CLCC1: variants seen among roughly 807,000 people sequenced by gnomAD.
CLCC1 encodes the protein chloride channel CLIC like 1.
A neutral mutation model predicts 63.3 loss-of-function variants in CLCC1; 39 were observed. That is an observed-to-expected ratio of 0.62 (90% CI 0.48 to 0.81). The LOEUF is 0.81. CLCC1 is among the 30% of genes least tolerant of loss of function. The pLI, the probability that CLCC1 is intolerant of heterozygous loss-of-function variation, is 0.00. For missense variants in CLCC1, 549 were observed against 669.4 expected (o/e 0.82, Z 1.98); for synonymous variants, 217 against 239.8 (o/e 0.90, Z 0.88).
At chr1:108,957,109 G>A (rs1471479085) in intron 2 of CLCC1, among the ~76,000 whole-genome samples, 1 of 151,486 alleles carries the variant, frequency 6.6e-6, no homozygotes, top group Admixed American at 6.6e-5. Context: ...AGATGAAGGT[G>A]ACATGAGCTA....
chr1:108,939,253 CAG>C (rs1469360322), intron 10 of CLCC1, among the ~76,000 whole-genome samples: 2 of 140,102 alleles, frequency 1.4e-5, no homozygotes, highest in South Asian at 2.2e-4. Flanking sequence ...TAAATATAGA[CAG>C]ATATATAAAT....
chr1:108,963,385 C>A lies in CLCC1; in HGVS notation c.-197G>T, dbSNP rs544523143. 5.7e-6 allele frequency: 4 copies of A among 702,416 alleles called. No homozygotes were observed. The highest frequency in any genetic ancestry group is 2.3e-4 in the Middle Eastern group (1 of 4,370). The allele number at this position is 702,416 out of a possible 1,614,324, so 43.5% of individuals were successfully genotyped here. ...CGTCCGGGATCCCCTGCCTGCCTCT[C>A]GAGGAAGACACCTGCCCAGGCCGGC... On this transcript the variant is annotated 5_prime_UTR_variant, in exon 1 of 13. Coordinates refer to ENST00000369969, the MANE Select transcript of CLCC1 (RefSeq NM_001377458.1).
intron 4 of CLCC1, among the ~76,000 whole-genome samples, 161 bp from the exon 5 acceptor site, chr1:108,947,879 G>A (rs1254654331): frequency 1.3e-5 from 2 of 152,208 alleles, no homozygotes; most frequent in African/African-American, 4.8e-5. Flanking sequence ...GAGCTGGCCT[G>A]CTTCCCCATG....
intron 12 of CLCC1, chr1:108,932,946 G>A (rs1199413678): frequency 6.6e-6 from 1 of 152,182 alleles, no homozygotes; most frequent in Admixed American, 6.5e-5. Context: ...ACCCAGGCTG[G>A]AGTACAGTGG....
chr1:108,959,622 T>G (rs1043243007), intron 2 of CLCC1, among the ~76,000 whole-genome samples: 4 of 152,226 alleles, frequency 2.6e-5, no homozygotes, highest in African/African-American at 9.6e-5. Context: ...GAGGAATAGA[T>G]GTATAGGAAA....
Position 108,934,805 on chromosome 1 carries a change from TTC to T in CLCC1, c.1519_1520del (p.Glu507ArgfsTer13). ...GGGCCTTTTCCGCTGCGGGTGAACC[TTC>T]TGTATTCCCTGATGTGTCTTGGCCA... ...VSGQDTSGNT[E>X]GSPAAEKAQL... On this transcript the variant is annotated frameshift_variant, in exon 12 of 13. Transcript: ENST00000369969. LOFTEE classifies it high-confidence loss of function. 2 of 1,614,188 alleles carry T rather than the reference TTC, an allele frequency of 1.2e-6. No homozygotes were observed. The highest frequency in any genetic ancestry group is 2.7e-5 in the African/African-American group (2 of 75,038).
rs1353215311 is a variant in CLCC1 at position 108,941,429 on chromosome 1, T to C, written c.772A>G (p.Met258Val). 6.2e-7 allele frequency: 1 copy of C among 1,614,096 alleles called. No homozygotes were observed. Among genetic ancestry groups the C allele is most frequent in the South Asian group, 1.1e-5 (1 of 91,078 alleles). ...EPLNNVCAKK[M>V]DWTGSIWEWF... ...CCCCAGATACTTCCAGTCCAGTCCA[T>C]CTTTTTGGCACACACATTGTTTAAT... The change falls in exon 8 of 13, where the codon ATG (methionine) becomes GTG (valine). Residue 258 changes from methionine to valine, a missense_variant. Met to Val is a conservative substitution (Grantham distance 21, BLOSUM62 1). Coordinates refer to ENST00000369969, the MANE Select transcript of CLCC1 (RefSeq NM_001377458.1).
chr1:108,962,231 G>C, intron 2 of CLCC1, 78 bp downstream of exon 2: 1 of 152,254 alleles, frequency 6.6e-6, no homozygotes, highest in East Asian at 1.9e-4. Context: ...CGGCCAGGCA[G>C]TGAGTAGAAA....
At chr1:108,952,812 AAAAG>A (rs1465798243) in intron 2 of CLCC1, among the ~76,000 whole-genome samples, 5 of 151,292 alleles carry the variant, frequency 3.3e-5, no homozygotes, top group African/African-American at 9.7e-5. Context: ...AAAAAAAAAA[AAAAG>A]AAAGAAAGGT....
chr1:108,960,857 T>G (rs1656538012), intron 2 of CLCC1, among the ~76,000 whole-genome samples: 1 of 152,054 alleles, frequency 6.6e-6, no homozygotes, highest in Non-Finnish European at 1.5e-5. Flanking sequence ...TTGAGATTTT[T>G]TTTTCTTTTT....
At chr1:108,960,031 G>C (rs1483641616) in intron 2 of CLCC1, among the ~76,000 whole-genome samples, 2 of 152,100 alleles carry the variant, frequency 1.3e-5, no homozygotes, top group African/African-American at 2.4e-5. Flanking sequence ...TACTTGGAGA[G>C]GCTGAGGTGG....
Position 108,963,414 on chromosome 1 carries a change from A to C in CLCC1, c.-226T>G, listed in dbSNP as rs1424747242. ...GAAGACACCTGCCCAGGCCGGCCGC[A>C]GAAGAGGTCGCACAGCTTGCCGCCG... On this transcript the variant is annotated 5_prime_UTR_variant, in exon 1 of 13. Transcript: ENST00000369969. 1 of 702,270 alleles carries C rather than the reference A, an allele frequency of 1.4e-6. No individual in the cohort carries two copies. Among genetic ancestry groups the C allele is most frequent in the Non-Finnish European group, 2.6e-6 (1 of 384,872 alleles). 43.5% of individuals were successfully genotyped at this position (702,270 alleles called of 1,614,324 possible).
intron 10 of CLCC1, among the ~76,000 whole-genome samples, chr1:108,938,484 G>C (rs72984646): frequency 0.017 from 2,640 of 152,296 alleles, 86 homozygotes; most frequent in African/African-American, 0.06. Flanking sequence ...ATTTCAAAGT[G>C]AACAGAGATA....
In CLCC1 at chr1:108,963,466, C is replaced by T. The variant is rs1003741957; in HGVS notation, c.-278G>A. Reference sequence around the variant, plus strand: ...CCAGGGTTTCAGCGTGCTTCCTGGGCCTCGTCATCGAATTGTTCGGCTGAC... The same window carrying T: ...CCAGGGTTTCAGCGTGCTTCCTGGGTCTCGTCATCGAATTGTTCGGCTGAC... On this transcript the variant is annotated 5_prime_UTR_variant, in exon 1 of 13. Coordinates refer to ENST00000369969, the MANE Select transcript of CLCC1 (RefSeq NM_001377458.1). 44 of 702,026 alleles carry T rather than the reference C, an allele frequency of 6.3e-5. No homozygotes were observed. In the Admixed American group the frequency reaches 8.2e-4, roughly 13 times the overall value. The allele number at this position is 702,026 out of a possible 1,614,324, so 43.5% of individuals were successfully genotyped here. A position where few individuals can be genotyped will look rare whatever the true frequency, so the allele number is the denominator to read the frequency against.
Position 108,939,725 on chromosome 1 carries a change from CT to C in CLCC1, c.951del (p.Gly318GlufsTer10). The C allele has an allele frequency of 1.9e-6, 3 of 1,614,116 alleles. No individual in the cohort carries two copies. The highest frequency in any genetic ancestry group is 2.5e-6 in the Non-Finnish European group (3 of 1,180,026). ...AGTGCTTTAATAAATTCCCCAGTTC[CT>C]TTTCCAATATGCTTCAATGGCTCCG... is the stretch of plus-strand genomic sequence containing the variant. ...FVTEPLKHIG[K>X]GTGEFIKALM... is the part of the protein sequence containing the mutation. On this transcript the variant is annotated frameshift_variant, in exon 10 of 13. Transcript: ENST00000369969. LOFTEE classifies it high-confidence loss of function.
In CLCC1 at chr1:108,931,516, ATTC is replaced by A. The variant is rs777281187; in HGVS notation, c.*1028_*1030del. Reference sequence around the variant, plus strand: ...ATGGGATCTGGGGATGTGGACCCCTATTCTTTCAAAAAGTCATTCAGGTGATTT... The same window carrying A: ...ATGGGATCTGGGGATGTGGACCCCTATTTCAAAAAGTCATTCAGGTGATTT... On this transcript the variant is annotated 3_prime_UTR_variant, in exon 13 of 13. Transcript: ENST00000369969. 7.4e-5 allele frequency: 114 copies of A among 1,532,358 alleles called. No individual in the cohort carries two copies. The highest frequency in any genetic ancestry group is 1.7e-4 in the Middle Eastern group (1 of 5,936). 94.9% of individuals were successfully genotyped at this position (1,532,358 alleles called of 1,614,324 possible). A position where few individuals can be genotyped will look rare whatever the true frequency, so the allele number is the denominator to read the frequency against.
chr1:108,962,629 G>C (rs931567682), intron 1 of CLCC1, among the ~76,000 whole-genome samples, 160 bp from the exon 2 acceptor site: 1 of 152,190 alleles, frequency 6.6e-6, no homozygotes, highest in Non-Finnish European at 1.5e-5. Context: ...AGCACTTTGG[G>C]AGGCCAAGAT....
At chr1:108,958,439 T>C (rs754868048) in intron 2 of CLCC1, among the ~76,000 whole-genome samples, 4 of 151,590 alleles carry the variant, frequency 2.6e-5, no homozygotes, top group Non-Finnish European at 5.9e-5. Flanking sequence ...GGGTTACGAC[T>C]GCTGTGGTAT....
chr1:108,946,082 A>G (rs571999048), intron 5 of CLCC1, among the ~76,000 whole-genome samples: 5 of 152,228 alleles, frequency 3.3e-5, no homozygotes, highest in African/African-American at 1.2e-4. Flanking sequence ...GGCATGAGGC[A>G]GGCGGATCAC....
Sources: gnomAD v4.1 joint callset for allele counts (sites outside exome capture counted in the v4.1 genomes callset) on GRCh38, gnomAD v4.1.1 for gene constraint, MANE v1.5 for transcripts, NCBI Gene and HGNC (gene_info 2026-07-23, HGNC 2026-07-21) for gene names.